WDR26: variants seen among roughly 807,000 people sequenced by gnomAD.
WDR26 encodes WD repeat domain 26.
Under a neutral mutation model 84.1 loss-of-function variants are expected in WDR26, and 5 were observed. The observed-to-expected ratio is 0.06, with a 90% CI of 0.03 to 0.13. WDR26 has a LOEUF of 0.13. Among genes scored for constraint, WDR26 ranks in the 10% least tolerant of loss-of-function variants. The probability of loss-of-function intolerance (pLI) is 1.00; values close to 1 mark genes in which losing one functional copy is unlikely to be tolerated. For missense variants in WDR26, 642 were observed against 974.9 expected (o/e 0.66, Z 4.55); for synonymous variants, 415 against 389.6 (o/e 1.07, Z -0.77).
intron 12 of WDR26, 76 bp downstream of exon 12, chr1:224,398,021 G>A (rs1673310830): frequency 6.5e-7 from 1 of 1,547,270 alleles, no homozygotes; most frequent in East Asian, 2.3e-5. Context: ...TTTTCTTGGA[G>A]ACATGACTGC....
chr1:224,398,790 C>T (rs1673329281), intron 10 of WDR26, 99 bp downstream of exon 10: 3 of 1,486,608 alleles, frequency 2.0e-6, no homozygotes, highest in Middle Eastern at 1.8e-4. Flanking sequence ...ACCACGCAAA[C>T]CAAAACGAAA....
Position 224,424,661 on chromosome 1 carries a change from T to C in WDR26, c.928-7A>G, listed in dbSNP as rs1222090944. On this transcript the variant is annotated splice_polypyrimidine_tract_variant and splice_region_variant and intron_variant, in intron 3 of 13. Transcript: ENST00000414423. ...GCAGCAAAAACTTCATCCTCTGACA[T>C]GACAGAAAGCAGCAGTCAGGGGAAA... 6.2e-7 allele frequency: 1 copy of C among 1,614,148 alleles called. No homozygotes were observed. Among genetic ancestry groups the C allele is most frequent in the Non-Finnish European group, 8.5e-7 (1 of 1,180,012 alleles).
intron 7 of WDR26, among the ~76,000 whole-genome samples, chr1:224,407,133 A>ATATATATAT: frequency 5.5e-5 from 1 of 18,310 alleles, no homozygotes; most frequent in Non-Finnish European, 1.5e-4. Context: ...AAAAAAAAAA[A>ATATATATAT]AAAAAAAAAA....
chr1:224,407,148 AAAAAT>A (rs1199270590), intron 7 of WDR26, among the ~76,000 whole-genome samples: 5 of 66,788 alleles, frequency 7.5e-5, no homozygotes, highest in African/African-American at 2.7e-4. Context: ...AAAAAAAAAA[AAAAAT>A]ATATATATAT....
At chr1:224,400,448 T>C (rs961741221) in intron 9 of WDR26, among the ~76,000 whole-genome samples, 4 of 42,890 alleles carry the variant, frequency 9.3e-5, no homozygotes, top group Non-Finnish European at 2.0e-4. Flanking sequence ...ACATTTGAAA[T>C]GTTTAAAAGA....
chr1:224,434,604 GC>G lies in WDR26; in HGVS notation c.-200del. 1.9e-6 allele frequency: 1 copy of G among 519,926 alleles called. No individual in the cohort carries two copies. The highest frequency in any genetic ancestry group is 2.4e-6 in the Non-Finnish European group (1 of 408,418). The allele number at this position is 519,926 out of a possible 1,614,324, so 32.2% of individuals were successfully genotyped here. ...CCCTCCCGGAGGCAGCTCGGGGTGC[GC>G]GGCCCGGGGGTCGCGCCGGGGGGCG... On this transcript the variant is annotated 5_prime_UTR_variant, in exon 1 of 14. Transcript: ENST00000414423.
intron 3 of WDR26, among the ~76,000 whole-genome samples, chr1:224,426,095 T>G (rs1674202745): frequency 6.6e-6 from 1 of 152,168 alleles, no homozygotes; most frequent in Non-Finnish European, 1.5e-5. Context: ...TGACCTCAAG[T>G]GATCTGCCCA....
At chr1:224,404,291 T>G in intron 8 of WDR26, 139 bp downstream of exon 8, 1 of 998,152 alleles carries the variant, frequency 1.0e-6, no homozygotes, top group East Asian at 3.0e-5. Flanking sequence ...AAACTTGGGT[T>G]CCACTTGAAT....
At chr1:224,411,394 T>C (rs762143299) in intron 7 of WDR26, 33 bp downstream of exon 7, 4 of 1,562,816 alleles carry the variant, frequency 2.6e-6, no homozygotes, top group South Asian at 2.5e-5. Context: ...TTATCCCCTT[T>C]TGTAATATAA....
chr1:224,406,982 T>C (rs1673584034), intron 7 of WDR26, among the ~76,000 whole-genome samples: 1 of 148,086 alleles, frequency 6.8e-6, no homozygotes, highest in Admixed American at 6.7e-5. Flanking sequence ...ATTAGCCGGG[T>C]GTGGTGGTGG....
chr1:224,400,631 C>T (rs1186605692), intron 9 of WDR26, among the ~76,000 whole-genome samples: 4 of 152,194 alleles, frequency 2.6e-5, no homozygotes, highest in African/African-American at 7.2e-5. Context: ...CTGCAATCTC[C>T]GCCTCCTGAG....
intron 4 of WDR26, among the ~76,000 whole-genome samples, chr1:224,420,189 AAG>A (rs1674019972): frequency 1.3e-5 from 2 of 152,214 alleles, no homozygotes; most frequent in South Asian, 4.1e-4. Context: ...CATCTTGTGA[AAG>A]ATACTGAGAT....
chr1:224,424,496 T>C (rs1674156104), intron 4 of WDR26, 22 bp downstream of exon 4: 1 of 1,612,202 alleles, frequency 6.2e-7, no homozygotes, highest in Non-Finnish European at 8.5e-7. Context: ...TTAACCTGAG[T>C]TCAAGAACTC....
Position 224,434,027 on chromosome 1 carries a change from C to T in WDR26, c.379G>A (p.Gly127Arg), listed in dbSNP as rs543483118. Residue 127 changes from glycine (G) to arginine (R), a missense_variant, in exon 1 of 14, where the codon GGA becomes AGA. Physicochemically the swap from Gly to Arg is moderately radical, Grantham distance 125. Coordinates refer to ENST00000414423, the MANE Select transcript of WDR26 (RefSeq NM_001379403.1). Reference sequence around the variant, plus strand: ...AAGCAGGCGAGTTCCGGGGTCTGTCCCTGGCCCCCGCCGCCCCCTCCTCCT... The same window carrying T: ...AAGCAGGCGAGTTCCGGGGTCTGTCTCTGGCCCCCGCCGCCCCCTCCTCCT... 2.9e-5 allele frequency: 43 copies of T among 1,474,972 alleles called. No individual in the cohort carries two copies. The African/African-American group carries it at 5.5e-4, about 19-fold the overall frequency. 91.4% of individuals were successfully genotyped at this position (1,474,972 alleles called of 1,614,324 possible).
chr1:224,426,856 G>C (rs909176583), intron 3 of WDR26, among the ~76,000 whole-genome samples: 2 of 151,600 alleles, frequency 1.3e-5, no homozygotes, highest in African/African-American at 4.8e-5. Context: ...CAGCACTTTG[G>C]GAGGCTGAGG....
At chr1:224,390,131 G>A (rs568199357) in intron 13 of WDR26, among the ~76,000 whole-genome samples, 2 of 152,186 alleles carry the variant, frequency 1.3e-5, no homozygotes, top group Non-Finnish European at 2.9e-5. Flanking sequence ...AGAATCTCAT[G>A]CTTTTATTTT....
chr1:224,408,940 C>T (rs965742622), intron 7 of WDR26, among the ~76,000 whole-genome samples: 1 of 152,064 alleles, frequency 6.6e-6, no homozygotes, highest in African/African-American at 2.4e-5. Flanking sequence ...GAGAAAAAGA[C>T]ACAACTCTAT....
intron 6 of WDR26, among the ~76,000 whole-genome samples, chr1:224,411,923 C>A (rs1216150401): frequency 6.6e-6 from 1 of 151,862 alleles, no homozygotes; most frequent in Non-Finnish European, 1.5e-5. Context: ...ATTGCTTGAG[C>A]CTGGGAGTTA....
At chr1:224,423,947 T>C (rs1204604516) in intron 4 of WDR26, among the ~76,000 whole-genome samples, 1 of 152,172 alleles carries the variant, frequency 6.6e-6, no homozygotes, top group Non-Finnish European at 1.5e-5. Context: ...TAAGGATTAA[T>C]GTGGCGAGGT....
Sources: allele counts gnomAD v4.1 joint callset (sites outside exome capture counted in the v4.1 genomes callset), GRCh38; gene constraint gnomAD v4.1.1; transcripts MANE v1.5; gene names NCBI Gene and HGNC (gene_info 2026-07-23, HGNC 2026-07-21).